PLCG2: variants seen among roughly 807,000 people sequenced by gnomAD.
The protein encoded by PLCG2 is 1-phosphatidylinositol 4,5-bisphosphate phosphodiesterase gamma-2.
PLCG2 carries 69 observed loss-of-function variants against 175.6 expected under a neutral mutation model. The ratio of observed to expected loss-of-function variants is 0.39; its 90% CI spans 0.32 to 0.48. The LOEUF is 0.48. Ranked by LOEUF, PLCG2 falls within the 20% of genes least tolerant of loss-of-function variation. The pLI, the probability that PLCG2 is intolerant of heterozygous loss-of-function variation, is 0.91. For synonymous variants in PLCG2, 827 were observed against 624.0 expected (o/e 1.33, Z -4.85); for missense variants, 1,798 against 1,650.9 (o/e 1.09, Z -1.54).
intron 2 of PLCG2, among the ~76,000 whole-genome samples, chr16:81,819,853 G>A (rs563647175): frequency 3.0e-4 from 45 of 152,242 alleles, no homozygotes; most frequent in Admixed American, 2.6e-4. Context: ...CAAAGTGCTG[G>A]GATTACAGCT....
chr16:81,895,728 T>A, intron 12 of PLCG2, 79 bp from the exon 13 acceptor site: 3 of 1,528,946 alleles, frequency 2.0e-6, no homozygotes, highest in Non-Finnish European at 2.7e-6. Flanking sequence ...GTAACTGAAC[T>A]GGTGTGTGGG....
chr16:81,768,327 C>T (rs985907593), intron 2 of PLCG2, among the ~76,000 whole-genome samples: 16 of 152,150 alleles, frequency 1.1e-4, no homozygotes, highest in African/African-American at 3.4e-4. Flanking sequence ...TGGGTTGTTT[C>T]CAGTTTGCAG....
chr16:81,805,624 C>G (rs1217969384), intron 2 of PLCG2, among the ~76,000 whole-genome samples: 3 of 151,914 alleles, frequency 2.0e-5, no homozygotes, highest in African/African-American at 4.8e-5. Context: ...CCTCACACCC[C>G]CTTCCCCCAC....
intron 24 of PLCG2, among the ~76,000 whole-genome samples, chr16:81,929,194 TC>T (rs959876194): frequency 2.6e-5 from 4 of 152,188 alleles, no homozygotes; most frequent in African/African-American, 9.7e-5. Context: ...GTGCTGGGTT[TC>T]CTGGGTCTTG....
intron 9 of PLCG2, 139 bp downstream of exon 9, chr16:81,883,480 A>G (rs957336266): frequency 2.6e-5 from 17 of 660,740 alleles, no homozygotes; most frequent in Non-Finnish European, 4.1e-5. Context: ...ACCTGTCTTC[A>G]TGGAACGATT....
intron 2 of PLCG2, among the ~76,000 whole-genome samples, chr16:81,804,775 G>T (rs1911915782): frequency 6.6e-6 from 1 of 152,098 alleles, no homozygotes; most frequent in African/African-American, 2.4e-5. Flanking sequence ...CTCCTCTTTG[G>T]CAATCAGTTA....
chr16:81,750,351 G>C (rs921325032), intron 1 of PLCG2, among the ~76,000 whole-genome samples: 2 of 149,926 alleles, frequency 1.3e-5, no homozygotes, highest in South Asian at 4.2e-4. Flanking sequence ...ACCTGGGAGG[G>C]GAAGATTGCA....
chr16:81,819,669 C>T (rs1911166875), intron 2 of PLCG2, among the ~76,000 whole-genome samples: 1 of 152,224 alleles, frequency 6.6e-6, no homozygotes. Context: ...ACTGCAACCT[C>T]CGCCTTCTGG....
At chr16:81,827,535 A>G (rs2143366322) in intron 2 of PLCG2, among the ~76,000 whole-genome samples, 1 of 152,184 alleles carries the variant, frequency 6.6e-6, no homozygotes, top group South Asian at 2.1e-4. Context: ...CAGATGAGGG[A>G]TCAGAAACAT....
At chr16:81,746,605 C>T (rs957373612) in intron 1 of PLCG2, among the ~76,000 whole-genome samples, 28 of 152,316 alleles carry the variant, frequency 1.8e-4, no homozygotes, top group East Asian at 1.9e-4. Flanking sequence ...AACCCTAACA[C>T]CCAAGGAGGC....
In PLCG2 at chr16:81,854,501, G is replaced by A. The variant is rs746298243; in HGVS notation, c.251G>A (p.Arg84Gln). Residue 84 changes from arginine to glutamine, a missense_variant, in exon 3 of 33, where the codon CGA becomes CAA. Transcript: ENST00000564138. ...RPGKNSKDFERAKAVRQKEDC... is the reference protein window; with the variant it reads ...RPGKNSKDFEQAKAVRQKEDC... ...GGGAAGAACTCCAAAGATTTCGAGC[G>A]AGCAAAAGCAGTTCGCCAGAAAGAA... 2 of 1,613,992 alleles carry A rather than the reference G, an allele frequency of 1.2e-6. No homozygotes were observed. The highest frequency in any genetic ancestry group is 1.1e-5 in the South Asian group (1 of 91,076).
At position 81,805,633 on chromosome 16, in the gene PLCG2, A is replaced by G. The variant is rs545540771; in HGVS notation, c.193+19451A>G. Reference sequence around the variant, plus strand: ...CAGATGCCTCACACCCCCTTCCCCCACCCCACTCACAATGCTTTGCCATCC... The same window carrying G: ...CAGATGCCTCACACCCCCTTCCCCCGCCCCACTCACAATGCTTTGCCATCC... On this transcript the variant is annotated intron_variant, in intron 2 of 32. Coordinates refer to ENST00000564138, the MANE Select transcript of PLCG2 (RefSeq NM_002661.5). 1.4e-4 allele frequency among the ~76,000 whole-genome samples: 21 copies of G among 150,884 alleles called. 1 individual carries two copies. In the South Asian group the frequency reaches 2.7e-3, roughly 20 times the overall value.
intron 2 of PLCG2, among the ~76,000 whole-genome samples, chr16:81,853,338 A>C (rs1178956562): frequency 6.6e-6 from 1 of 151,888 alleles, no homozygotes; most frequent in Non-Finnish European, 1.5e-5. Flanking sequence ...CTCAAAAAAA[A>C]AAAACAAAAC....
At chr16:81,813,701 T>C (rs4534836) in intron 2 of PLCG2, among the ~76,000 whole-genome samples, 151,585 of 152,324 alleles carry the variant, frequency 1, 75,426 homozygotes, top group East Asian at 1. Flanking sequence ...ATATATTCAT[T>C]GGATGGCCAG....
intron 5 of PLCG2, among the ~76,000 whole-genome samples, chr16:81,866,024 G>T (rs1238673762): frequency 3.8e-5 from 5 of 130,592 alleles, no homozygotes; most frequent in African/African-American, 1.5e-4. Flanking sequence ...CCCAGGATGG[G>T]CTCCACTGGG....
At chr16:81,755,410 T>C (rs1386574963) in intron 1 of PLCG2, among the ~76,000 whole-genome samples, 2 of 151,632 alleles carry the variant, frequency 1.3e-5, no homozygotes, top group Non-Finnish European at 2.9e-5. Flanking sequence ...GTCACTATGT[T>C]GCCCAGGCTG....
intron 30 of PLCG2, 148 bp downstream of exon 30, chr16:81,940,207 CA>C: frequency 1.6e-6 from 1 of 619,532 alleles, no homozygotes; most frequent in Non-Finnish European, 2.8e-6. Context: ...AGCAGGTGTA[CA>C]GCCTGTCGTG....
At chr16:81,774,757 T>G (rs189939031), upstream of PLCG2, among the ~76,000 whole-genome samples, 1,639 of 151,130 alleles carry the variant, frequency 0.011, 10 homozygotes, top group Non-Finnish European at 0.013. Context: ...TTTTTTTTTT[T>G]GGTCAGGGTC....
intron 2 of PLCG2, among the ~76,000 whole-genome samples, chr16:81,825,298 T>TTTG (rs1905000349): frequency 5.5e-5 from 8 of 145,408 alleles, no homozygotes; most frequent in African/African-American, 1.8e-4. Flanking sequence ...TTTTTTTTTT[T>TTTG]TTTTTTTTGA....
Sources: allele counts gnomAD v4.1 joint callset (sites outside exome capture counted in the v4.1 genomes callset), GRCh38; gene constraint gnomAD v4.1.1; transcripts MANE v1.5; gene names NCBI Gene and HGNC (gene_info 2026-07-23, HGNC 2026-07-21).